ZMYM1: variants seen among roughly 807,000 people sequenced by gnomAD.
The protein encoded by ZMYM1 is zinc finger MYM-type containing 1, also known as zinc finger MYM-type protein 1.
A neutral mutation model predicts 60.0 loss-of-function variants in ZMYM1; 39 were observed. That is an observed-to-expected ratio of 0.65 (90% CI 0.50 to 0.85). The LOEUF (loss-of-function observed/expected upper bound fraction) is 0.85, where lower values mean the gene tolerates loss of function less well. Ranked by LOEUF, ZMYM1 falls within the 40% of genes least tolerant of loss-of-function variation. The probability of loss-of-function intolerance (pLI) is 0.00; values close to 1 mark genes in which losing one functional copy is unlikely to be tolerated. For synonymous variants in ZMYM1, 413 were observed against 454.0 expected (o/e 0.91, Z 1.15); for missense variants, 1,171 against 1,309.5 (o/e 0.89, Z 1.63).
chr1:35,079,996 C>T (rs1291520035), intron 1 of ZMYM1, among the ~76,000 whole-genome samples: 1 of 152,078 alleles, frequency 6.6e-6, no homozygotes, highest in Non-Finnish European at 1.5e-5. Flanking sequence ...CCTGTAATCT[C>T]AGCTACTCAG....
At chr1:35,093,871 G>T in intron 1 of ZMYM1, 43 bp from the exon 2 acceptor site, 1 of 680,414 alleles carries the variant, frequency 1.5e-6, no homozygotes, top group Non-Finnish European at 2.4e-6. Flanking sequence ...TATTTAAAAG[G>T]ACTAATTTTA....
chr1:35,062,132 A>G (rs1192550667), intron 1 of ZMYM1, among the ~76,000 whole-genome samples: 1 of 151,896 alleles, frequency 6.6e-6, no homozygotes, highest in Non-Finnish European at 1.5e-5. Flanking sequence ...GCCCAGCCTT[A>G]TTTCCCATTT....
Position 35,060,452 on chromosome 1 carries a change from G to A in ZMYM1, c.-301+527G>A, listed in dbSNP as rs541181350. On this transcript the variant is annotated intron_variant, in intron 1 of 10. Coordinates refer to the ZMYM1 transcript ENST00000417119. ...TGGGATTACAGGCGTGAGCCACCGCGCCCGGCTGGAAAAAATCTATTAACA... is the reference window on the plus strand; with the variant it reads ...TGGGATTACAGGCGTGAGCCACCGCACCCGGCTGGAAAAAATCTATTAACA... 3.5e-4 allele frequency among the ~76,000 whole-genome samples: 53 copies of A among 152,096 alleles called. 1 individual carries two copies. Among genetic ancestry groups the A allele is most frequent in the Admixed American group, 1.0e-3 (16 of 15,248 alleles).
At position 35,104,681 on chromosome 1, in the gene ZMYM1, A is replaced by G; in HGVS notation, c.719A>G (p.Tyr240Cys). Residue 240 changes from tyrosine (Y) to cysteine (C), a missense_variant, in exon 6 of 10, where the codon TAC becomes TGC. Coordinates refer to ENST00000359858, the MANE Select transcript of ZMYM1 (RefSeq NM_024772.5). ...TGTGAGAACTGTGGCACTTACTGTT[A>G]CACCAGCTCTAGTCTGTCCCACATA... is the stretch of plus-strand genomic sequence containing the variant. ...NCCENCGTYCYTSSSLSHILQ... is the reference protein window; with the variant it reads ...NCCENCGTYCCTSSSLSHILQ... 6.2e-7 allele frequency: 1 copy of G among 1,614,198 alleles called. No individual in the cohort carries two copies. The highest frequency in any genetic ancestry group is 8.5e-7 in the Non-Finnish European group (1 of 1,180,026).
intron 8 of ZMYM1, 70 bp downstream of exon 8, chr1:35,111,982 T>C (rs1441488842): frequency 2.0e-5 from 31 of 1,555,662 alleles, no homozygotes; most frequent in Non-Finnish European, 2.7e-5. Flanking sequence ...GTCTATATGC[T>C]AAATTTTCTT....
intron 1 of ZMYM1, among the ~76,000 whole-genome samples, chr1:35,086,541 TA>T (rs1010067282): frequency 6.6e-6 from 1 of 151,866 alleles, no homozygotes; most frequent in Non-Finnish European, 1.5e-5. Context: ...TCTGTAGCAG[TA>T]AAAAAAATAG....
chr1:35,069,076 T>C (rs1263894369), intron 1 of ZMYM1, among the ~76,000 whole-genome samples: 2 of 152,046 alleles, frequency 1.3e-5, no homozygotes, highest in Non-Finnish European at 2.9e-5. Flanking sequence ...TCAGGTGATC[T>C]GCCTGCCTCA....
At chr1:35,105,571 T>A (rs1643870490) in intron 6 of ZMYM1, among the ~76,000 whole-genome samples, 1 of 152,228 alleles carries the variant, frequency 6.6e-6, no homozygotes, top group Non-Finnish European at 1.5e-5. Context: ...GGAACTGGGA[T>A]TACAGGCGTA....
chr1:35,072,934 T>C (rs1326356915), intron 1 of ZMYM1, among the ~76,000 whole-genome samples: 1 of 152,032 alleles, frequency 6.6e-6, no homozygotes, highest in Non-Finnish European at 1.5e-5. Flanking sequence ...ATACAAAAAT[T>C]AGCCAGGCAT....
At chr1:35,112,496 A>G (rs1644122966) in intron 9 of ZMYM1, among the ~76,000 whole-genome samples, 1 of 145,702 alleles carries the variant, frequency 6.9e-6, no homozygotes, top group African/African-American at 2.5e-5. Context: ...TTATATATAT[A>G]TATAATATAT....
At chr1:35,073,336 A>AGG (rs776306122) in intron 1 of ZMYM1, among the ~76,000 whole-genome samples, 1 of 106,390 alleles carries the variant, frequency 9.4e-6, no homozygotes, top group African/African-American at 3.9e-5. Flanking sequence ...GGAGAAAGAA[A>AGG]GAAAGGAAGG....
intron 1 of ZMYM1, among the ~76,000 whole-genome samples, chr1:35,084,087 A>G (rs781489355): frequency 3.9e-5 from 6 of 152,038 alleles, no homozygotes; most frequent in Non-Finnish European, 5.9e-5. Context: ...GCATCAGTGT[A>G]CCTTCTAGCT....
downstream of ZMYM1, among the ~76,000 whole-genome samples, chr1:35,116,701 G>A (rs571004289): frequency 2.6e-4 from 40 of 152,072 alleles, no homozygotes; most frequent in Non-Finnish European, 3.4e-4. Context: ...CAGGTAATAC[G>A]CCCACCTGGG....
In ZMYM1 at chr1:35,113,923, A is replaced by G. The variant is rs1644180678; in HGVS notation, c.2093A>G (p.Lys698Arg). ...GGGACCCACTTACATAGGACTATCA[A>G]AACTTATCTGCAGCAAATTGGAGTT... ...MTGTHLHRTI[K>R]TYLQQIGVDM... is the part of the protein sequence containing the mutation. The change falls in exon 10 of 10, where the codon AAA (lysine) becomes AGA (arginine). Residue 698 changes from lysine to arginine, a missense_variant. By Grantham distance (26) the Lys-to-Arg change is conservative (BLOSUM62 2). Transcript: ENST00000359858. 3.1e-6 allele frequency: 5 copies of G among 1,613,950 alleles called. No individual in the cohort carries two copies. The highest frequency in any genetic ancestry group is 4.2e-6 in the Non-Finnish European group (5 of 1,179,906).
chr1:35,090,153 A>G (rs6664921), intron 1 of ZMYM1, among the ~76,000 whole-genome samples: 2,265 of 151,690 alleles, frequency 0.015, 52 homozygotes, highest in African/African-American at 0.05. Flanking sequence ...TGATCCACCC[A>G]CCTCGGCCTC....
chr1:35,112,911 A>C (rs1644144636), intron 9 of ZMYM1, 66 bp from the exon 10 acceptor site: 2 of 1,353,172 alleles, frequency 1.5e-6, no homozygotes, highest in Non-Finnish European at 1.9e-6. Flanking sequence ...ATTAGAGTAG[A>C]TATATTTGAT....
rs149319988 is a variant in ZMYM1 at position 35,061,824 on chromosome 1, A to T, written c.-301+1899A>T. ...GACATCTTATTTCCCTTTTATTTTT[A>T]TTTATTTATTTATTTATTTATTTGA... is the stretch of plus-strand genomic sequence containing the variant. On this transcript the variant is annotated intron_variant, in intron 1 of 10. Coordinates refer to the ZMYM1 transcript ENST00000417119. Among the ~76,000 whole-genome samples, 37 of 134,542 alleles carry T rather than the reference A, an allele frequency of 2.8e-4. No homozygotes were observed. The South Asian group carries it at 6.4e-3, about 23-fold the overall frequency. The allele number at this position is 134,542 out of a possible 152,430, so 88.3% of individuals were successfully genotyped here.
At position 35,114,597 on chromosome 1, in the gene ZMYM1, A is replaced by T. The variant is rs778337980; in HGVS notation, c.2767A>T (p.Ile923Leu). The T allele has an allele frequency of 6.2e-7, 1 of 1,609,894 alleles. No individual in the cohort carries two copies. Among genetic ancestry groups the T allele is most frequent in the African/African-American group, 1.3e-5 (1 of 74,798 alleles). ...WDGTEEICQK[I>L]TCKGFKVEKP... ...TGGAACAGAGGAAATATGTCAAAAA[A>T]TAACCTGTAAAGGTTTTAAAGTTGA... Residue 923 changes from isoleucine (I) to leucine (L), a missense_variant, in exon 10 of 10, where the codon ATA (isoleucine) becomes TTA (leucine). Transcript: ENST00000359858.
At chr1:35,096,533 GT>G (rs1553141513) in intron 3 of ZMYM1, among the ~76,000 whole-genome samples, 55 of 140,600 alleles carry the variant, frequency 3.9e-4, no homozygotes, top group East Asian at 6.3e-4. Flanking sequence ...GAGGCGGGAG[GT>G]TTTTTTTTTT....
Sources: gnomAD v4.1 joint callset for allele counts (sites outside exome capture counted in the v4.1 genomes callset) on GRCh38, gnomAD v4.1.1 for gene constraint, MANE v1.5 for transcripts, NCBI Gene and HGNC (gene_info 2026-07-23, HGNC 2026-07-21) for gene names.